The following AGFG1 variants were observed in gnomAD, a reference collection of about 807,000 sequenced individuals.
AGFG1 encodes arf-GAP domain and FG repeat-containing protein 1.
In AGFG1, 10 loss-of-function variants were observed where a neutral mutation model predicts 60.6. The observed-to-expected ratio is 0.16, with a 90% CI of 0.10 to 0.28. The LOEUF (loss-of-function observed/expected upper bound fraction) is 0.28, where lower values mean the gene tolerates loss of function less well. Ranked by LOEUF, AGFG1 falls within the 10% of genes least tolerant of loss-of-function variation. The pLI is 1.00. For synonymous variants in AGFG1, 247 were observed against 242.9 expected, an observed-to-expected ratio of 1.02 and a Z score of -0.16; for missense variants, 537 against 676.5, an observed-to-expected ratio of 0.79 and a Z score of 2.29.
chr2:227,519,317 T>C lies in AGFG1; in HGVS notation c.262-631T>C, dbSNP rs374198460. On this transcript the variant is annotated intron_variant, in intron 2 of 12. Coordinates refer to ENST00000310078, the MANE Select transcript of AGFG1 (RefSeq NM_004504.5). Reference sequence around the variant, plus strand: ...TGATTTTTGTACTTTTTAAGTTTTTTTGAAGAATAGTTTTTTATTTTGATG... The same window carrying C: ...TGATTTTTGTACTTTTTAAGTTTTTCTGAAGAATAGTTTTTTATTTTGATG... Among the ~76,000 whole-genome samples, 60 of 152,356 alleles carry C rather than the reference T, an allele frequency of 3.9e-4. No individual in the cohort carries two copies. The East Asian group carries it at 0.01, about 25-fold the overall frequency.
At chr2:227,525,181 T>A (rs971355069) in intron 5 of AGFG1, among the ~76,000 whole-genome samples, 1 of 152,226 alleles carries the variant, frequency 6.6e-6, no homozygotes, top group Non-Finnish European at 1.5e-5. Context: ...TTTATGAAAT[T>A]GAAAATATTC....
intron 2 of AGFG1, among the ~76,000 whole-genome samples, chr2:227,512,023 T>C (rs1691509728): frequency 6.6e-6 from 1 of 152,188 alleles, no homozygotes; most frequent in African/African-American, 2.4e-5. Flanking sequence ...TTAAGGAAGC[T>C]GTTATAAGGT....
At chr2:227,518,655 C>T (rs1380708389) in intron 2 of AGFG1, among the ~76,000 whole-genome samples, 1 of 151,612 alleles carries the variant, frequency 6.6e-6, no homozygotes, top group Non-Finnish European at 1.5e-5. Context: ...TCCTGAGTAG[C>T]TGGGATTACA....
intron 10 of AGFG1, among the ~76,000 whole-genome samples, chr2:227,544,046 C>G (rs1437383868): frequency 6.6e-6 from 1 of 151,672 alleles, no homozygotes; most frequent in African/African-American, 2.4e-5. Context: ...TCCTCCATCC[C>G]TTTATTTTGA....
intron 10 of AGFG1, among the ~76,000 whole-genome samples, chr2:227,549,184 G>T (rs1302268889): frequency 6.6e-6 from 1 of 151,958 alleles, no homozygotes; most frequent in East Asian, 1.9e-4. Flanking sequence ...TTGCAAATGA[G>T]GAAACTGAAG....
At chr2:227,554,093 C>G (rs1044117026) in intron 12 of AGFG1, among the ~76,000 whole-genome samples, 5 of 152,132 alleles carry the variant, frequency 3.3e-5, no homozygotes, top group African/African-American at 4.8e-5. Context: ...CAAAATAACA[C>G]TTTATGAGAG....
intron 5 of AGFG1, among the ~76,000 whole-genome samples, chr2:227,525,973 T>C (rs979984844): frequency 1.3e-5 from 2 of 152,232 alleles, no homozygotes; most frequent in African/African-American, 2.4e-5. Context: ...ATGATTTGTT[T>C]AGGAAAGTCA....
At chr2:227,484,298 G>A (rs1287631912) in intron 1 of AGFG1, among the ~76,000 whole-genome samples, 2 of 151,366 alleles carry the variant, frequency 1.3e-5, no homozygotes, top group Non-Finnish European at 2.9e-5. Context: ...AAGTGATTCT[G>A]CTGCCTCAGA....
chr2:227,552,288 AT>A (rs1447896829), intron 11 of AGFG1, among the ~76,000 whole-genome samples, 171 bp downstream of exon 11: 3 of 152,220 alleles, frequency 2.0e-5, no homozygotes, highest in Admixed American at 6.5e-5. Context: ...AAGCTAAGTG[AT>A]TTTACAAGTT....
rs770947162 is a variant in AGFG1 at position 227,523,766 on chromosome 2, T to C, written c.381T>C (p.Tyr127=). 4 of 1,610,750 alleles carry C rather than the reference T, an allele frequency of 2.5e-6. No individual in the cohort carries two copies. Among genetic ancestry groups the C allele is most frequent in the South Asian group, 2.2e-5 (2 of 90,676 alleles). ...AACTGTTTTTTACATGTTTTAGGTA[T>C]GTCCCGCCAGAACAAGCCAAAGTCG... ...LQEKYEKKRW[Y]VPPEQAKVVA... The change falls in exon 4 of 13, where the codon TAT becomes TAC. Residue 127 remains tyrosine (Y), a synonymous_variant. Transcript: ENST00000310078.
chr2:227,476,823 T>G (rs941802340), intron 1 of AGFG1, among the ~76,000 whole-genome samples: 2 of 152,178 alleles, frequency 1.3e-5, no homozygotes, highest in African/African-American at 4.8e-5. Context: ...TTTTTACTTT[T>G]TTTGGATACT....
At chr2:227,514,461 T>C (rs1485777751) in intron 2 of AGFG1, among the ~76,000 whole-genome samples, 1 of 152,154 alleles carries the variant, frequency 6.6e-6, no homozygotes, top group Non-Finnish European at 1.5e-5. Flanking sequence ...CGCAAAGTGC[T>C]GGGATTATAG....
At chr2:227,554,292 TAAC>T (rs1692905430) in intron 12 of AGFG1, 141 bp from the exon 13 acceptor site, 1 of 681,758 alleles carries the variant, frequency 1.5e-6, no homozygotes, top group African/African-American at 1.8e-5. Context: ...TTATTGCCAA[TAAC>T]AAATATTATT....
intron 1 of AGFG1, among the ~76,000 whole-genome samples, chr2:227,477,932 A>G (rs189737233): frequency 1.2e-3 from 186 of 152,232 alleles, no homozygotes; most frequent in African/African-American, 4.3e-3. Context: ...TTTATGATGC[A>G]TCATAAATGT....
At position 227,533,633 on chromosome 2, in the gene AGFG1, A is replaced by T; in HGVS notation, c.899A>T (p.Asn300Ile). ...TCCAGTGCTGATTTTGGAACCTTCA[A>T]TACTTCCCAGAGTCATCAAACAGCA... Reference protein sequence around the residue: ...KSSSADFGTFNTSQSHQTASA... With the variant: ...KSSSADFGTFITSQSHQTASA... Residue 300 changes from asparagine to isoleucine, a missense_variant, in exon 7 of 13, where the codon AAT becomes ATT. Asn to Ile is a moderately radical substitution (Grantham distance 149, BLOSUM62 -3). Coordinates refer to ENST00000310078, the MANE Select transcript of AGFG1 (RefSeq NM_004504.5). The T allele has an allele frequency of 6.2e-7, 1 of 1,613,876 alleles. No homozygotes were observed. The highest frequency in any genetic ancestry group is 8.5e-7 in the Non-Finnish European group (1 of 1,179,822).
Position 227,472,254 on chromosome 2 carries a change from C to T in AGFG1, c.-168C>T, listed in dbSNP as rs1559160277. 2 of 229,736 alleles carry T rather than the reference C, an allele frequency of 8.7e-6. No homozygotes were observed. The highest frequency in any genetic ancestry group is 6.6e-5 in the Admixed American group (1 of 15,214). 14.2% of individuals were successfully genotyped at this position (229,736 alleles called of 1,614,324 possible). A position where few individuals can be genotyped will look rare whatever the true frequency, so the allele number is the denominator to read the frequency against. ...CAGCCCGCGTACCACAGCGCCCGGG[C>T]CGCGTCGAGCCCAGTACAGCCAAGC... On this transcript the variant is annotated 5_prime_UTR_variant, in exon 1 of 13. Transcript: ENST00000310078.
chr2:227,506,732 AATC>A (rs1559177861), intron 2 of AGFG1, among the ~76,000 whole-genome samples: 21 of 147,028 alleles, frequency 1.4e-4, no homozygotes, highest in Non-Finnish European at 2.9e-4. Flanking sequence ...TACTGGTGGA[AATC>A]TACACTGCTC....
intron 10 of AGFG1, among the ~76,000 whole-genome samples, chr2:227,543,842 T>TTGC (rs56789727): frequency 2.0e-5 from 2 of 102,044 alleles, no homozygotes; most frequent in African/African-American, 6.6e-5. Flanking sequence ...GGTTCTCCTG[T>TTGC]ATTGGGTGCA....
At position 227,560,445 on chromosome 2, in the gene AGFG1, T is replaced by C. The variant is rs940736248; in HGVS notation, c.*5950T>C. 2 of 152,044 alleles carry C rather than the reference T, an allele frequency of 1.3e-5. No homozygotes were observed. Among genetic ancestry groups the C allele is most frequent in the African/African-American group, 4.8e-5 (2 of 41,430 alleles). 9.4% of individuals were successfully genotyped at this position (152,044 alleles called of 1,614,324 possible). The stretch of plus-strand genomic sequence containing the variant: ...AAGAAAAAAAATCTCTCTGACTATC[T>C]GAAGATATATGAAAAAGCCTATGCT... On this transcript the variant is annotated 3_prime_UTR_variant, in exon 13 of 13. Coordinates refer to ENST00000310078, the MANE Select transcript of AGFG1 (RefSeq NM_004504.5).
Sources: gnomAD v4.1 joint callset for allele counts (sites outside exome capture counted in the v4.1 genomes callset) on GRCh38, gnomAD v4.1.1 for gene constraint, MANE v1.5 for transcripts, NCBI Gene and HGNC (gene_info 2026-07-23, HGNC 2026-07-21) for gene names.